The following SCARB2 variants were observed in gnomAD, a reference collection of about 807,000 sequenced individuals.
SCARB2 encodes scavenger receptor class B member 2, also known as lysosome membrane protein 2.
SCARB2 carries 29 observed loss-of-function variants against 58.6 expected under a neutral mutation model. The observed-to-expected ratio is 0.49, with a 90% CI of 0.37 to 0.67. The LOEUF (loss-of-function observed/expected upper bound fraction) is 0.67. Ranked by LOEUF, SCARB2 falls within the 30% of genes least tolerant of loss-of-function variation. The pLI is 0.00. For synonymous variants in SCARB2, 195 were observed against 210.1 expected (o/e 0.93, Z 0.62); for missense variants, 488 against 578.5 (o/e 0.84, Z 1.60).
intron 1 of SCARB2, among the ~76,000 whole-genome samples, chr4:76,209,961 G>C (rs574617090): frequency 1.3e-5 from 2 of 152,320 alleles, no homozygotes; most frequent in South Asian, 4.1e-4. Context: ...CAACCTGCCA[G>C]CACGTCTGCA....
chr4:76,210,517 G>T (rs1457036689), intron 1 of SCARB2, among the ~76,000 whole-genome samples: 1 of 152,220 alleles, frequency 6.6e-6, no homozygotes, highest in Non-Finnish European at 1.5e-5. Flanking sequence ...GAACTGCTGG[G>T]TCTCTGCAAA....
intron 1 of SCARB2, among the ~76,000 whole-genome samples, chr4:76,210,388 G>A (rs1468219192): frequency 6.6e-6 from 1 of 152,146 alleles, no homozygotes; most frequent in African/African-American, 2.4e-5. Context: ...GATCACAGGC[G>A]AGTGAAGAGG....
rs1732253776 is a variant in SCARB2, at chr4:76,176,477, A to G, written c.664T>C (p.Tyr222His). The change falls in exon 5 of 12, where the codon TAC becomes CAC. Residue 222 changes from tyrosine to histidine, a missense_variant. Transcript: ENST00000264896. ...DYVFLTGEDS[Y>H]LNFTKIVEWN... ...TCCACAATTTTTGTAAAGTTAAGGT[A>G]ACTGTCTTCTCCAGTTAGAAAAACA... The G allele has an allele frequency of 1.9e-6, 3 of 1,612,620 alleles. No homozygotes were observed. Among genetic ancestry groups the G allele is most frequent in the Admixed American group, 1.7e-5 (1 of 59,962 alleles).
chr4:76,173,712 G>C, intron 7 of SCARB2: 1 of 234,758 alleles, frequency 4.3e-6, no homozygotes, highest in Non-Finnish European at 8.5e-6. Context: ...AAAGCACTTA[G>C]GACAGTGACT....
intron 6 of SCARB2, chr4:76,175,360 C>A: frequency 4.7e-6 from 1 of 210,992 alleles, no homozygotes; most frequent in Non-Finnish European, 9.6e-6. Flanking sequence ...GGAAGTAGAC[C>A]AGGTCAGTTG....
rs1480481844 is a variant in SCARB2 at position 76,161,720 on chromosome 4, C to G, written c.1430G>C (p.Arg477Pro). 2 of 1,614,096 alleles carry G rather than the reference C, an allele frequency of 1.2e-6. No homozygotes were observed. Among genetic ancestry groups the G allele is most frequent in the Admixed American group, 3.3e-5 (2 of 60,018 alleles). ...GTADERAPLIRT is the reference protein window; with the variant it reads ...GTADERAPLIPT ...ACCAAGCAAAGGCAATGTTTAGGTT[C>G]GAATGAGGGGTGCTCTTTCATCCGC... Residue 477 changes from arginine to proline, a missense_variant, in exon 12 of 12, where the codon CGA (arginine) becomes CCA (proline). Coordinates refer to ENST00000264896, the MANE Select transcript of SCARB2 (RefSeq NM_005506.4).
Position 76,174,276 on chromosome 4 carries a change from G to A in SCARB2, c.862C>T (p.Gln288Ter), listed in dbSNP as rs121909118. The A allele has an allele frequency of 6.2e-6, 10 of 1,614,014 alleles. No individual in the cohort carries two copies. Among genetic ancestry groups the A allele is most frequent in the Non-Finnish European group, 7.6e-6 (9 of 1,179,986 alleles). ...TTATACCGAAAGGCAGGCAGTCCCT[G>A]TACACTCTCATAGTCACTGAAAGTA... is the stretch of plus-strand genomic sequence containing the variant. Reference protein sequence around the residue: ...YITFSDYESVQGLPAFRYKVP... With the variant: ...YITFSDYESV Residue 288 changes from glutamine (Q) to a stop codon, truncating the protein, a stop_gained, in exon 7 of 12, where the codon CAG becomes TAG. Coordinates refer to ENST00000264896, the MANE Select transcript of SCARB2 (RefSeq NM_005506.4). LOFTEE classifies it high-confidence loss of function.
chr4:76,159,933 T>G lies in SCARB2; in HGVS notation c.*1780A>C, dbSNP rs8475. The stretch of plus-strand genomic sequence containing the variant: ...TTAGTATGGATAAGTACATGCATAA[T>G]TAAGACATGCCCAATTATCTAGTTA... On this transcript the variant is annotated 3_prime_UTR_variant, in exon 12 of 12. Coordinates refer to ENST00000264896, the MANE Select transcript of SCARB2 (RefSeq NM_005506.4). The G allele has an allele frequency of 6.6e-6, 1 of 152,092 alleles. No individual in the cohort carries two copies. Among genetic ancestry groups the G allele is most frequent in the African/African-American group, 2.4e-5 (1 of 41,374 alleles). 9.4% of individuals were successfully genotyped at this position (152,092 alleles called of 1,614,324 possible).
At chr4:76,169,724 T>A (rs546237246) in intron 8 of SCARB2, 143 bp downstream of exon 8, 2 of 753,318 alleles carry the variant, frequency 2.7e-6, no homozygotes, top group Non-Finnish European at 4.7e-6. Flanking sequence ...AATGCCTCCA[T>A]CAGCACTGAG....
chr4:76,164,281 G>C (rs909385539), intron 10 of SCARB2: 1 of 152,310 alleles, frequency 6.6e-6, no homozygotes, highest in Admixed American at 6.5e-5. Context: ...GCCAAGGCAG[G>C]CGGATTGCTT....
intron 2 of SCARB2, among the ~76,000 whole-genome samples, chr4:76,181,400 TGGG>T (rs1182440794): frequency 6.6e-6 from 1 of 152,220 alleles, no homozygotes; most frequent in African/African-American, 2.4e-5. Flanking sequence ...AACTCTCTCC[TGGG>T]TTATGGTTTG....
In SCARB2 at chr4:76,213,457, G is replaced by C. The variant is rs1177993956; in HGVS notation, c.87C>G (p.Phe29Leu). ...CGATACTCTGGTCTACAGCCTTCTGGAAGACCCGGGCCACCAGCAGCGTGA... is the reference window on the plus strand; with the variant it reads ...CGATACTCTGGTCTACAGCCTTCTGCAAGACCCGGGCCACCAGCAGCGTGA... ...TSVTLLVARV[F>L]QKAVDQSIEK... is the part of the protein sequence containing the mutation. Residue 29 changes from phenylalanine (F) to leucine (L), a missense_variant, in exon 1 of 12, where the codon TTC (phenylalanine) becomes TTG (leucine). Coordinates refer to ENST00000264896, the MANE Select transcript of SCARB2 (RefSeq NM_005506.4). 4.3e-6 allele frequency: 7 copies of C among 1,610,472 alleles called. No homozygotes were observed. The highest frequency in any genetic ancestry group is 5.9e-6 in the Non-Finnish European group (7 of 1,178,362).
chr4:76,220,054 G>A (rs1313775968), intron 1 of SCARB2, among the ~76,000 whole-genome samples: 1 of 152,196 alleles, frequency 6.6e-6, no homozygotes, highest in African/African-American at 2.4e-5. Context: ...AAGCAGAACT[G>A]TTTCCTCCAT....
chr4:76,183,904 G>A (rs919329732), intron 2 of SCARB2, among the ~76,000 whole-genome samples: 1 of 152,194 alleles, frequency 6.6e-6, no homozygotes, highest in Non-Finnish European at 1.5e-5. Flanking sequence ...GGAAATGGAG[G>A]AAGACTAAAT....
At chr4:76,214,133 G>A, upstream of SCARB2, 1 of 437,122 alleles carries the variant, frequency 2.3e-6, no homozygotes, top group South Asian at 1.6e-5. Context: ...AGGTCTGAGG[G>A]CCTCCCATGG....
intron 1 of SCARB2, among the ~76,000 whole-genome samples, chr4:76,204,748 T>G (rs1732896002): frequency 6.6e-6 from 1 of 152,198 alleles, no homozygotes; most frequent in Admixed American, 6.5e-5. Flanking sequence ...GCCCACATTC[T>G]GTGTGTAACT....
At chr4:76,166,611 G>A (rs1732014260) in intron 9 of SCARB2, 1 of 460,694 alleles carries the variant, frequency 2.2e-6, no homozygotes, top group South Asian at 2.2e-5. Context: ...ACTCCTCAGA[G>A]TGTTTTGTAA....
At chr4:76,169,777 T>C in intron 8 of SCARB2, 90 bp downstream of exon 8, 1 of 1,079,562 alleles carries the variant, frequency 9.3e-7, no homozygotes, top group Non-Finnish European at 1.4e-6. Context: ...AGTAAGGATA[T>C]TTTTAAAGAA....
At chr4:76,201,610 T>C (rs972387360) in intron 1 of SCARB2, among the ~76,000 whole-genome samples, 9 of 152,242 alleles carry the variant, frequency 5.9e-5, no homozygotes, top group Non-Finnish European at 7.3e-5. Flanking sequence ...ATAAAAAGTC[T>C]GAATTTCAGT....
Sources: gnomAD v4.1 joint callset for allele counts (sites outside exome capture counted in the v4.1 genomes callset) on GRCh38, gnomAD v4.1.1 for gene constraint, MANE v1.5 for transcripts, NCBI Gene and HGNC (gene_info 2026-07-23, HGNC 2026-07-21) for gene names.